The following UFD1 variants were observed in gnomAD, a reference collection of about 807,000 sequenced individuals.
UFD1 encodes ubiquitin recognition factor in ER associated degradation 1, also known as ubiquitin recognition factor in ER-associated degradation protein 1.
A neutral mutation model predicts 45.9 loss-of-function variants in UFD1; 13 were observed. The ratio of observed to expected loss-of-function variants is 0.28; its 90% CI spans 0.18 to 0.45. The LOEUF is 0.45. UFD1 is among the 20% of genes least tolerant of loss of function. The pLI is 1.00. For missense variants in UFD1, 218 were observed against 389.2 expected, an observed-to-expected ratio of 0.56 and a Z score of 3.70; for synonymous variants, 128 against 139.2, an observed-to-expected ratio of 0.92 and a Z score of 0.56.
In UFD1 at chr22:19,465,532, G is replaced by A. The variant is rs144045215; in HGVS notation, c.423-258C>T. The stretch of plus-strand genomic sequence containing the variant: ...GGAAATAACCAACCACAAAAGGGCA[G>A]TGAGATTCCATCCACATGGAACCCT... On this transcript the variant is annotated intron_variant, in intron 5 of 11. Transcript: ENST00000263202. 1,704 of 455,012 alleles carry A rather than the reference G, an allele frequency of 3.7e-3. 20 individuals are homozygous for A. The highest frequency in any genetic ancestry group is 0.024 in the African/African-American group (1,223 of 50,474). 28.2% of individuals were successfully genotyped at this position (455,012 alleles called of 1,614,324 possible).
intron 5 of UFD1, chr22:19,467,619 A>G: frequency 2.2e-6 from 1 of 445,050 alleles, no homozygotes; most frequent in Non-Finnish European, 3.9e-6. Flanking sequence ...GACACAGACC[A>G]ACTGAAAGAA....
chr22:19,478,632 AC>A (rs1370547426), intron 1 of UFD1: 1 of 234,182 alleles, frequency 4.3e-6, no homozygotes, highest in Non-Finnish European at 8.3e-6. Context: ...GAAGGCACGA[AC>A]CCGTAGGCAC....
rs1420528674 is a variant in UFD1, at chr22:19,450,604, G to A, written c.*66C>T. ...ATGAGGCTCGTCCCTGTCAGTGCCA[G>A]TAACTAAAAGCCAAGATGTTGCAAA... is the stretch of plus-strand genomic sequence containing the variant. On this transcript the variant is annotated 3_prime_UTR_variant, in exon 12 of 12. Transcript: ENST00000263202. 25 of 1,599,616 alleles carry A rather than the reference G, an allele frequency of 1.6e-5. 1 individual carries two copies. In the South Asian group the frequency reaches 2.8e-4, roughly 18 times the overall value.
At chr22:19,462,231 C>T (rs1471268735) in intron 6 of UFD1, among the ~76,000 whole-genome samples, 1 of 152,124 alleles carries the variant, frequency 6.6e-6, no homozygotes, top group Non-Finnish European at 1.5e-5. Context: ...AACTCCTGGA[C>T]TTAAGTGATC....
chr22:19,463,834 A>G (rs764432482), intron 6 of UFD1, among the ~76,000 whole-genome samples: 1 of 152,214 alleles, frequency 6.6e-6, no homozygotes, highest in Non-Finnish European at 1.5e-5. Context: ...GTGGAAGTTC[A>G]AACCTGTGTT....
intron 9 of UFD1, 27 bp from the exon 10 acceptor site, chr22:19,455,795 A>G (rs745974574): frequency 8.7e-6 from 14 of 1,606,162 alleles, no homozygotes; most frequent in East Asian, 2.2e-5. Flanking sequence ...TGAGTCATAT[A>G]ATAAGCCCAA....
chr22:19,458,685 C>T (rs527241650), intron 6 of UFD1, among the ~76,000 whole-genome samples: 159 of 152,168 alleles, frequency 1.0e-3, no homozygotes, highest in African/African-American at 2.8e-3. Context: ...TCAGGTGATC[C>T]GCCCACCTCG....
Position 19,458,062 on chromosome 22 carries a change from G to A in UFD1, c.564+9C>T. The A allele has an allele frequency of 2.5e-6, 4 of 1,614,068 alleles. No homozygotes were observed. The highest frequency in any genetic ancestry group is 3.4e-6 in the Non-Finnish European group (4 of 1,179,944). ...CCCAGGCTCACTGTAACTGGACAGA[G>A]CCACTCACGTTCATGTCACACTCAA... On this transcript the variant is annotated intron_variant, in intron 7 of 11. Coordinates refer to ENST00000263202, the MANE Select transcript of UFD1 (RefSeq NM_005659.7).
At chr22:19,450,933 C>T (rs2089676909) in intron 11 of UFD1, 189 bp from the exon 12 acceptor site, 3 of 1,331,844 alleles carry the variant, frequency 2.3e-6, no homozygotes, top group East Asian at 5.8e-5. Flanking sequence ...CCCAGGAGTT[C>T]AAGACCAGCC....
chr22:19,458,171 GT>G, intron 6 of UFD1, 32 bp from the exon 7 acceptor site: 1 of 1,612,762 alleles, frequency 6.2e-7, no homozygotes, highest in Non-Finnish European at 8.5e-7. Context: ...CAGTTGGATG[GT>G]TTCCTGGCAG....
chr22:19,460,552 TA>T (rs1404661474), intron 6 of UFD1, among the ~76,000 whole-genome samples: 2 of 152,156 alleles, frequency 1.3e-5, no homozygotes, highest in African/African-American at 4.8e-5. Flanking sequence ...ACCTAGTTTT[TA>T]AAAATGTGCA....
intron 11 of UFD1, chr22:19,452,475 T>C (rs1432238213): frequency 1.4e-4 from 22 of 152,150 alleles, no homozygotes; most frequent in Admixed American, 1.4e-3. Context: ...CCCCTCAGAA[T>C]TTTGAGTATA....
chr22:19,454,788 G>A lies in UFD1; in HGVS notation c.810C>T (p.Phe270=). 6.2e-7 allele frequency: 1 copy of A among 1,614,074 alleles called. No homozygotes were observed. Among genetic ancestry groups the A allele is most frequent in the Non-Finnish European group, 8.5e-7 (1 of 1,179,990 alleles). The part of the protein sequence containing the change: ...NYEFKLGKIT[F]IRNSRPLVKK... ...TGACAAGGGGACGTGAATTTCTGAT[G>A]AAAGTTATCTTACCAAGTTTAAATT... Residue 270 remains phenylalanine, a synonymous_variant, in exon 11 of 12, where the codon TTC becomes TTT. Coordinates refer to ENST00000263202, the MANE Select transcript of UFD1 (RefSeq NM_005659.7).
chr22:19,474,406 C>A (rs896579644), intron 3 of UFD1, among the ~76,000 whole-genome samples: 1 of 152,002 alleles, frequency 6.6e-6, no homozygotes, highest in Non-Finnish European at 1.5e-5. Flanking sequence ...ATTAGCCGGG[C>A]GTGGTGGCGG....
chr22:19,479,066 T>C lies in UFD1; in HGVS notation c.3+17A>G. 1 of 1,567,356 alleles carries C rather than the reference T, an allele frequency of 6.4e-7. No homozygotes were observed. Among genetic ancestry groups the C allele is most frequent in the East Asian group, 2.4e-5 (1 of 41,652 alleles). Reference sequence around the variant, plus strand: ...GGGCCAAGGCCCAGCCCCCGCCCGCTGCCCGTCAGCGCTTACCATGATGGA... The same window carrying C: ...GGGCCAAGGCCCAGCCCCCGCCCGCCGCCCGTCAGCGCTTACCATGATGGA... On this transcript the variant is annotated intron_variant, in intron 1 of 11. Coordinates refer to ENST00000263202, the MANE Select transcript of UFD1 (RefSeq NM_005659.7).
chr22:19,475,360 C>T, intron 2 of UFD1, 110 bp downstream of exon 2: 4 of 1,493,282 alleles, frequency 2.7e-6, no homozygotes, highest in Non-Finnish European at 3.6e-6. Flanking sequence ...ACCATTTTCA[C>T]AGTAACACTA....
At chr22:19,465,443 C>T in intron 5 of UFD1, 169 bp from the exon 6 acceptor site, 1 of 584,124 alleles carries the variant, frequency 1.7e-6, no homozygotes, top group Non-Finnish European at 3.0e-6. Flanking sequence ...GGATGGAACT[C>T]CTAATATGCA....
intron 1 of UFD1, among the ~76,000 whole-genome samples, chr22:19,477,791 A>G (rs1425301622): frequency 3.3e-5 from 5 of 152,164 alleles, no homozygotes; most frequent in African/African-American, 1.2e-4. Flanking sequence ...TTTACTAGCA[A>G]CTCCAAAATT....
At chr22:19,451,305 A>G in intron 11 of UFD1, 2 of 985,604 alleles carry the variant, frequency 2.0e-6, no homozygotes, top group Non-Finnish European at 2.4e-6. Context: ...TCCATGATGT[A>G]GGAGGGCCAG....
Sources: allele counts gnomAD v4.1 joint callset (sites outside exome capture counted in the v4.1 genomes callset), GRCh38; gene constraint gnomAD v4.1.1; transcripts MANE v1.5; gene names NCBI Gene and HGNC (gene_info 2026-07-23, HGNC 2026-07-21).